Variants in ADAMTS17 observed in about 807,000 individuals in gnomAD.
ADAMTS17 encodes the protein ADAM metallopeptidase with thrombospondin type 1 motif 17, also known as A disintegrin and metalloproteinase with thrombospondin motifs 17.
Under a neutral mutation model 141.5 loss-of-function variants are expected in ADAMTS17, and 113 were observed. That is an observed-to-expected ratio of 0.80 (90% CI 0.69 to 0.93). The LOEUF (loss-of-function observed/expected upper bound fraction) is 0.93, where lower values mean the gene tolerates loss of function less well. Among genes scored for constraint, ADAMTS17 ranks in the 40% least tolerant of loss-of-function variants. The pLI is 0.00. For missense variants in ADAMTS17, 1,659 were observed against 1,517.9 expected, an observed-to-expected ratio of 1.09 and a Z score of -1.54; for synonymous variants, 768 against 630.6, an observed-to-expected ratio of 1.22 and a Z score of -3.27.
At chr15:100,227,900 A>C (rs577059364) in intron 7 of ADAMTS17, among the ~76,000 whole-genome samples, 10 of 152,308 alleles carry the variant, frequency 6.6e-5, no homozygotes, top group African/African-American at 2.4e-4. Context: ...ATACCTTCCA[A>C]ACCCACTGTT....
At chr15:100,250,333 GAACTC>G (rs2043115373) in intron 7 of ADAMTS17, among the ~76,000 whole-genome samples, 1 of 152,140 alleles carries the variant, frequency 6.6e-6, no homozygotes, top group Non-Finnish European at 1.5e-5. Context: ...CTTTCCTACA[GAACTC>G]AAGACACAGC....
At chr15:100,123,172 C>T (rs1248604222) in intron 12 of ADAMTS17, among the ~76,000 whole-genome samples, 1 of 152,176 alleles carries the variant, frequency 6.6e-6, no homozygotes, top group Non-Finnish European at 1.5e-5. Context: ...CCAGCGAGTG[C>T]AGCAGGGACC....
intron 7 of ADAMTS17, among the ~76,000 whole-genome samples, chr15:100,230,539 C>A (rs1203977113): frequency 6.6e-6 from 1 of 152,174 alleles, no homozygotes; most frequent in African/African-American, 2.4e-5. Flanking sequence ...CTGCAAATTG[C>A]AATGGCATCA....
chr15:100,066,257 T>C (rs2033517895), intron 15 of ADAMTS17, among the ~76,000 whole-genome samples: 1 of 152,000 alleles, frequency 6.6e-6, no homozygotes, highest in South Asian at 2.1e-4. Context: ...TTAAAGTTAA[T>C]AAAATGTTTT....
At chr15:100,162,980 G>A (rs930313065) in intron 8 of ADAMTS17, among the ~76,000 whole-genome samples, 2 of 134,100 alleles carry the variant, frequency 1.5e-5, no homozygotes, top group Non-Finnish European at 3.1e-5. Flanking sequence ...ATATATATGT[G>A]TATATATAAC....
intron 15 of ADAMTS17, among the ~76,000 whole-genome samples, chr15:100,069,546 T>C (rs1372324274): frequency 9.9e-5 from 15 of 151,798 alleles, no homozygotes; most frequent in African/African-American, 2.9e-4. Flanking sequence ...GTGGATCTCT[T>C]GGCAGAAACT....
At chr15:100,331,291 T>C (rs575665394) in intron 2 of ADAMTS17, among the ~76,000 whole-genome samples, 3 of 152,182 alleles carry the variant, frequency 2.0e-5, no homozygotes, top group African/African-American at 2.4e-5. Flanking sequence ...TACAACAGCA[T>C]CCATTTTCCA....
chr15:100,341,694 C>A, intron 1 of ADAMTS17, 127 bp downstream of exon 1: 1 of 1,241,664 alleles, frequency 8.1e-7, no homozygotes, highest in Non-Finnish European at 1.1e-6. Context: ...CCGCGGCCCG[C>A]GCCTCCTCCG....
chr15:100,062,494 C>G (rs7171502), intron 15 of ADAMTS17, among the ~76,000 whole-genome samples: 2,502 of 152,282 alleles, frequency 0.016, 80 homozygotes, highest in African/African-American at 0.055. Flanking sequence ...TCATTGTAAA[C>G]TTGCCTATTA....
intron 18 of ADAMTS17, among the ~76,000 whole-genome samples, chr15:100,042,414 T>A (rs1429357576): frequency 6.6e-6 from 1 of 152,236 alleles, no homozygotes; most frequent in Non-Finnish European, 1.5e-5. Flanking sequence ...TACTGAACCC[T>A]GTATATACTA....
intron 9 of ADAMTS17, 98 bp downstream of exon 9, chr15:100,155,082 G>A (rs1486135410): frequency 6.3e-7 from 1 of 1,578,022 alleles, no homozygotes; most frequent in Non-Finnish European, 8.7e-7. Context: ...CCAAAAGAGA[G>A]TCATTTCTCC....
intron 10 of ADAMTS17, among the ~76,000 whole-genome samples, chr15:100,143,248 TAC>T (rs1393170136): frequency 1.3e-5 from 2 of 152,188 alleles, no homozygotes; most frequent in South Asian, 4.1e-4. Flanking sequence ...CTAGCAGCAA[TAC>T]ACACTCTTCC....
intron 3 of ADAMTS17, among the ~76,000 whole-genome samples, chr15:100,317,920 T>C (rs1285254219): frequency 6.6e-6 from 1 of 152,146 alleles, no homozygotes; most frequent in African/African-American, 2.4e-5. Flanking sequence ...GGGCCAAGGC[T>C]GAAGCGGCCA....
At chr15:100,162,496 T>C (rs1315716698) in intron 8 of ADAMTS17, among the ~76,000 whole-genome samples, 3 of 124,118 alleles carry the variant, frequency 2.4e-5, no homozygotes, top group African/African-American at 9.0e-5. Context: ...TATGCACATA[T>C]ACACATTATA....
In ADAMTS17 at chr15:100,262,584, G is replaced by GT. The variant is rs1044588952; in HGVS notation, c.790-150dup. ...AGCGTAGACTTTAGTTTATAACACT[G>GT]TATCAGTATTGGTGCATTAATTACA... is the stretch of plus-strand genomic sequence containing the variant. On this transcript the variant is annotated intron_variant, in intron 4 of 21. Coordinates refer to ENST00000268070, the MANE Select transcript of ADAMTS17 (RefSeq NM_139057.4). The GT allele has an allele frequency of 3.4e-5, 20 of 589,464 alleles. No homozygotes were observed. In the Admixed American group the frequency reaches 4.1e-4, roughly 12 times the overall value. The allele number at this position is 589,464 out of a possible 1,614,324, so 36.5% of individuals were successfully genotyped here. A position where few individuals can be genotyped will look rare whatever the true frequency, so the allele number is the denominator to read the frequency against.
chr15:100,031,683 T>C (rs1459989274), intron 18 of ADAMTS17, among the ~76,000 whole-genome samples: 1 of 152,178 alleles, frequency 6.6e-6, no homozygotes, highest in African/African-American at 2.4e-5. Flanking sequence ...ACCATAGAGA[T>C]GAGCAATTCT....
intron 7 of ADAMTS17, among the ~76,000 whole-genome samples, chr15:100,203,353 G>A (rs557047457): frequency 3.3e-5 from 5 of 152,186 alleles, no homozygotes; most frequent in South Asian, 2.1e-4. Context: ...TGGGAGGATC[G>A]CCTGAGGTCA....
chr15:100,238,499 C>T (rs1221473282), intron 7 of ADAMTS17, among the ~76,000 whole-genome samples: 1 of 152,202 alleles, frequency 6.6e-6, no homozygotes, highest in East Asian at 1.9e-4. Flanking sequence ...AGCAGAATGT[C>T]GGTGAGGACA....
At chr15:100,286,733 C>T (rs1039069069) in intron 3 of ADAMTS17, among the ~76,000 whole-genome samples, 5 of 152,096 alleles carry the variant, frequency 3.3e-5, no homozygotes, top group Non-Finnish European at 5.9e-5. Flanking sequence ...AGTATAAACA[C>T]ACTGGCAACT....
Sources: allele counts gnomAD v4.1 joint callset (sites outside exome capture counted in the v4.1 genomes callset), GRCh38; gene constraint gnomAD v4.1.1; transcripts MANE v1.5; gene names NCBI Gene and HGNC (gene_info 2026-07-23, HGNC 2026-07-21).